BPI: variants seen among roughly 807,000 people sequenced by gnomAD.
BPI encodes bactericidal permeability increasing protein.
Under a neutral mutation model 57.6 loss-of-function variants are expected in BPI, and 48 were observed. That is an observed-to-expected ratio of 0.83 (90% CI 0.66 to 1.06). The LOEUF is 1.06. BPI is among the 50% of genes least tolerant of loss of function. The probability of loss-of-function intolerance (pLI) is 0.00; values close to 1 mark genes in which losing one functional copy is unlikely to be tolerated. For missense variants in BPI, 651 were observed against 609.7 expected, an observed-to-expected ratio of 1.07 and a Z score of -0.71; for synonymous variants, 237 against 238.2, an observed-to-expected ratio of 0.99 and a Z score of 0.05.
Position 38,331,090 on chromosome 20 carries a change from G to T in BPI, c.1272G>T (p.Pro424=). 2 of 1,614,032 alleles carry T rather than the reference G, an allele frequency of 1.2e-6. No individual in the cohort carries two copies. Among genetic ancestry groups the T allele is most frequent in the Non-Finnish European group, 1.7e-6 (2 of 1,179,960 alleles). The change falls in exon 12 of 15, where the codon CCG becomes CCT. Residue 424 remains proline (P), a splice_region_variant and synonymous_variant. Coordinates refer to ENST00000642449, the MANE Select transcript of BPI (RefSeq NM_001725.3). ...ELKHSNIGPF[P]VELLQDIMNY... ...AGCACTCAAATATTGGCCCCTTCCC[G>T]GTGAGTCTGAGGCCCTTGGTGGCTT...
At chr20:38,312,011 C>T (rs1248376884) in intron 5 of BPI, 74 bp downstream of exon 5, 4 of 1,449,888 alleles carry the variant, frequency 2.8e-6, no homozygotes, top group Non-Finnish European at 3.9e-6. Flanking sequence ...CCCCCTTCTA[C>T]GGACACTCTG....
At chr20:38,325,964 G>C (rs2076710764) in intron 9 of BPI, among the ~76,000 whole-genome samples, 1 of 152,152 alleles carries the variant, frequency 6.6e-6, no homozygotes, top group South Asian at 2.1e-4. Flanking sequence ...AGAGAAGAAT[G>C]CGAGGAAAAG....
intron 11 of BPI, 59 bp from the exon 12 acceptor site, chr20:38,330,989 T>G: frequency 6.3e-7 from 1 of 1,587,612 alleles, no homozygotes; most frequent in Non-Finnish European, 8.6e-7. Context: ...CTCTAGAGAC[T>G]GGGTTCTCAT....
At chr20:38,322,536 C>G (rs890317477) in intron 7 of BPI, among the ~76,000 whole-genome samples, 21 of 152,198 alleles carry the variant, frequency 1.4e-4, no homozygotes, top group African/African-American at 5.1e-4. Context: ...TGAATGGATA[C>G]ACACTGTTCT....
At chr20:38,324,109 A>G in intron 8 of BPI, 63 bp downstream of exon 8, 1 of 1,554,820 alleles carries the variant, frequency 6.4e-7, no homozygotes, top group Non-Finnish European at 8.7e-7. Flanking sequence ...CAGACCTTCC[A>G]GACAAATCTG....
At chr20:38,329,491 T>C (rs1452912626) in intron 11 of BPI, among the ~76,000 whole-genome samples, 1 of 152,190 alleles carries the variant, frequency 6.6e-6, no homozygotes, top group Admixed American at 6.5e-5. Flanking sequence ...TAAACACCCA[T>C]GGGCCTCTAA....
intron 1 of BPI, among the ~76,000 whole-genome samples, chr20:38,307,304 T>C (rs747321041): frequency 6.6e-6 from 1 of 152,238 alleles, no homozygotes; most frequent in Non-Finnish European, 1.5e-5. Context: ...TACAGGCACA[T>C]ATAAGAACAT....
intron 7 of BPI, among the ~76,000 whole-genome samples, chr20:38,320,879 GTGGA>G (rs2076678514): frequency 7.5e-6 from 1 of 133,370 alleles, no homozygotes; most frequent in Non-Finnish European, 1.6e-5. Context: ...GGATGGGTAG[GTGGA>G]TGGGTGGGTG....
chr20:38,304,612 G>T (rs2076588401), intron 1 of BPI, among the ~76,000 whole-genome samples: 2 of 152,180 alleles, frequency 1.3e-5, no homozygotes, highest in South Asian at 4.1e-4. Flanking sequence ...GGTCCTCATG[G>T]TCCCCTCCTT....
chr20:38,330,729 A>G (rs933297439), intron 11 of BPI, among the ~76,000 whole-genome samples: 1 of 152,210 alleles, frequency 6.6e-6, no homozygotes, highest in African/African-American at 2.4e-5. Context: ...TCCCAGCAGA[A>G]GTCCTGGGAC....
rs1340646850 is a variant in BPI at position 38,324,028 on chromosome 20, G to A, written c.915G>A (p.Met305Ile). The change falls in exon 8 of 15, where the codon ATG (methionine) becomes ATA (isoleucine). Residue 305 changes from methionine to isoleucine, a missense_variant. By Grantham distance (10) the Met-to-Ile change is conservative. Coordinates refer to ENST00000642449, the MANE Select transcript of BPI (RefSeq NM_001725.3). Reference sequence around the variant, plus strand: ...ACCAAGAGGCTGGGGTCTTGAAGATGACCCTTAGAGATGACATGGTAAGGC... The same window carrying A: ...ACCAAGAGGCTGGGGTCTTGAAGATAACCCTTAGAGATGACATGGTAAGGC... Reference protein sequence around the residue: ...LVYQEAGVLKMTLRDDMIPKE... With the variant: ...LVYQEAGVLKITLRDDMIPKE... The A allele has an allele frequency of 1.9e-6, 3 of 1,613,950 alleles. No individual in the cohort carries two copies. Among genetic ancestry groups the A allele is most frequent in the Admixed American group, 3.3e-5 (2 of 60,024 alleles).
chr20:38,324,901 G>T, intron 9 of BPI, 68 bp downstream of exon 9: 10 of 1,266,878 alleles, frequency 7.9e-6, no homozygotes, highest in Non-Finnish European at 1.2e-5. Flanking sequence ...TTGCTGAGTG[G>T]ATGATGAGAG....
chr20:38,335,432 G>C (rs1243537232), intron 13 of BPI, 166 bp from the exon 14 acceptor site: 1 of 644,630 alleles, frequency 1.6e-6, no homozygotes, highest in Non-Finnish European at 2.7e-6. Flanking sequence ...GGGAGGTACG[G>C]ACTCTGGGGC....
intron 14 of BPI, among the ~76,000 whole-genome samples, chr20:38,336,077 G>C (rs778600032): frequency 1.6e-4 from 24 of 152,196 alleles, no homozygotes; most frequent in African/African-American, 5.5e-4. Context: ...GGCAGATTTA[G>C]ACACAGCACA....
chr20:38,327,331 T>C (rs2076718356), intron 10 of BPI, among the ~76,000 whole-genome samples: 1 of 152,232 alleles, frequency 6.6e-6, no homozygotes, highest in East Asian at 1.9e-4. Context: ...CTGGCCTGTC[T>C]TATGCAGCCT....
intron 7 of BPI, among the ~76,000 whole-genome samples, chr20:38,321,047 G>A (rs1342399416): frequency 2.8e-5 from 3 of 108,412 alleles, no homozygotes; most frequent in Non-Finnish European, 3.8e-5. Flanking sequence ...GTGTATTGGC[G>A]GATGTAAAGG....
At chr20:38,317,898 G>A (rs571816008) in intron 5 of BPI, 529 of 985,338 alleles carry the variant, frequency 5.4e-4, no homozygotes, top group Non-Finnish European at 6.0e-4. Flanking sequence ...GGATTGGGGT[G>A]GAGTGGCAAA....
In BPI at chr20:38,304,743, G is replaced by A. The variant is rs140792545; in HGVS notation, c.130+390G>A. Among the ~76,000 whole-genome samples, 34 of 152,302 alleles carry A rather than the reference G, an allele frequency of 2.2e-4. No homozygotes were observed. In the East Asian group the frequency reaches 5.6e-3, roughly 25 times the overall value. ...CTGAGCAGGGTCAGAGGGAGAGTGT[G>A]GGAGGACCTCCCCACCCCGTGCTCT... On this transcript the variant is annotated intron_variant, in intron 1 of 14. Coordinates refer to ENST00000642449, the MANE Select transcript of BPI (RefSeq NM_001725.3).
chr20:38,312,279 C>G (rs1327766401), intron 5 of BPI, among the ~76,000 whole-genome samples: 3 of 152,232 alleles, frequency 2.0e-5, no homozygotes, highest in Non-Finnish European at 4.4e-5. Flanking sequence ...CCCTCCACCC[C>G]ACCCACCCCA....
Sources: gnomAD v4.1 joint callset for allele counts (sites outside exome capture counted in the v4.1 genomes callset) on GRCh38, gnomAD v4.1.1 for gene constraint, MANE v1.5 for transcripts, NCBI Gene and HGNC (gene_info 2026-07-23, HGNC 2026-07-21) for gene names.